TRIP4: variants seen among roughly 807,000 people sequenced by gnomAD.
TRIP4 encodes the protein activating signal cointegrator 1.
A neutral mutation model predicts 81.8 loss-of-function variants in TRIP4; 54 were observed. That is an observed-to-expected ratio of 0.66 (90% CI 0.53 to 0.83). The LOEUF is 0.83. TRIP4 is among the 40% of genes least tolerant of loss of function. TRIP4 has a pLI of 0.00. For synonymous variants in TRIP4, 270 were observed against 242.8 expected, an observed-to-expected ratio of 1.11 and a Z score of -1.04; for missense variants, 662 against 683.6, an observed-to-expected ratio of 0.97 and a Z score of 0.35.
chr15:64,406,839 T>G (rs1413126598), intron 6 of TRIP4, among the ~76,000 whole-genome samples: 1 of 152,222 alleles, frequency 6.6e-6, no homozygotes, highest in Non-Finnish European at 1.5e-5. Flanking sequence ...GAATTGCCTC[T>G]GGGAGAACAC....
intron 11 of TRIP4, 68 bp from the exon 12 acceptor site, chr15:64,444,938 T>C: frequency 1.2e-6 from 1 of 804,020 alleles, no homozygotes. Context: ...ATCTGGGACA[T>C]CTTCTGTTCT....
chr15:64,448,948 G>A (rs1224399456), intron 12 of TRIP4, among the ~76,000 whole-genome samples: 1 of 152,028 alleles, frequency 6.6e-6, no homozygotes, highest in Non-Finnish European at 1.5e-5. Flanking sequence ...AGTGGCTCAT[G>A]TCTATAATCC....
chr15:64,444,291 T>C (rs2140312662), intron 11 of TRIP4, among the ~76,000 whole-genome samples: 1 of 152,270 alleles, frequency 6.6e-6, no homozygotes, highest in South Asian at 2.1e-4. Context: ...TAACCCCCAA[T>C]TGTTCTTAAA....
Position 64,418,644 on chromosome 15 carries a change from A to G in TRIP4, c.1274A>G (p.Gln425Arg), listed in dbSNP as rs1344634552. The G allele has an allele frequency of 1.2e-6, 2 of 1,614,054 alleles. No homozygotes were observed. Among genetic ancestry groups the G allele is most frequent in the Non-Finnish European group, 8.5e-7 (1 of 1,180,016 alleles). The change falls in exon 9 of 13, where the codon CAA becomes CGA. Residue 425 changes from glutamine (Q) to arginine (R), a missense_variant. Gln to Arg is a conservative substitution (Grantham distance 43, BLOSUM62 1). Coordinates refer to ENST00000261884, the MANE Select transcript of TRIP4 (RefSeq NM_016213.5). ...CAGCACCAGTTGCGAATCCAGGATCAAGAATTTCAGGAAGGCTTTGATGGT... is the reference window on the plus strand; with the variant it reads ...CAGCACCAGTTGCGAATCCAGGATCGAGAATTTCAGGAAGGCTTTGATGGT... ...SFQHQLRIQD[Q>R]EFQEGFDGGW...
chr15:64,411,851 T>C (rs934994756), intron 7 of TRIP4, among the ~76,000 whole-genome samples: 3 of 151,996 alleles, frequency 2.0e-5, no homozygotes, highest in Non-Finnish European at 2.9e-5. Flanking sequence ...GGCTAATTTT[T>C]TTTGTAGTTT....
chr15:64,389,376 A>G (rs1900048817), intron 1 of TRIP4, among the ~76,000 whole-genome samples: 1 of 152,182 alleles, frequency 6.6e-6, no homozygotes, highest in Admixed American at 6.6e-5. Context: ...TCAAGCCCTT[A>G]TTCCCAGCAC....
At chr15:64,434,319 A>T (rs1892341389) in intron 11 of TRIP4, among the ~76,000 whole-genome samples, 1 of 151,984 alleles carries the variant, frequency 6.6e-6, no homozygotes, top group Non-Finnish European at 1.5e-5. Context: ...GAATCACTTC[A>T]ACCCAGGAGG....
chr15:64,442,968 G>C (rs1303575259), intron 11 of TRIP4, among the ~76,000 whole-genome samples: 2 of 150,346 alleles, frequency 1.3e-5, no homozygotes, highest in South Asian at 4.2e-4. Context: ...TCCAGCCTGG[G>C]TAACAGGGTA....
intron 9 of TRIP4, among the ~76,000 whole-genome samples, chr15:64,420,525 A>C (rs1438917433): frequency 2.0e-5 from 2 of 102,046 alleles, no homozygotes; most frequent in Admixed American, 1.5e-4. Flanking sequence ...TTTGCTTCTT[A>C]TTTCTTTTTT....
chr15:64,437,720 C>T (rs971249033), intron 11 of TRIP4, among the ~76,000 whole-genome samples: 1 of 152,128 alleles, frequency 6.6e-6, no homozygotes, highest in Non-Finnish European at 1.5e-5. Flanking sequence ...TCTGGAACTA[C>T]TGTCCTCAGG....
chr15:64,421,938 G>A (rs1475227248), intron 9 of TRIP4, among the ~76,000 whole-genome samples: 2 of 151,704 alleles, frequency 1.3e-5, no homozygotes, highest in Non-Finnish European at 2.9e-5. Context: ...CTAGCTACTC[G>A]GGAGGCTGAG....
chr15:64,439,040 A>G (rs1325155205), intron 11 of TRIP4, among the ~76,000 whole-genome samples: 1 of 152,208 alleles, frequency 6.6e-6, no homozygotes. Flanking sequence ...GAGTTCAACT[A>G]TCCCACTTTG....
chr15:64,401,835 G>A (rs1229037798), intron 5 of TRIP4, among the ~76,000 whole-genome samples: 2 of 152,072 alleles, frequency 1.3e-5, no homozygotes, highest in Non-Finnish European at 2.9e-5. Flanking sequence ...CCACAAGCAC[G>A]ATCCACCAAT....
At chr15:64,395,248 G>C in intron 2 of TRIP4, 150 bp from the exon 3 acceptor site, 1 of 657,736 alleles carries the variant, frequency 1.5e-6, no homozygotes, top group Non-Finnish European at 2.3e-6. Context: ...TTTAATTCTG[G>C]TTTGACAGGA....
chr15:64,440,280 T>A (rs1419178142), intron 11 of TRIP4, among the ~76,000 whole-genome samples: 1 of 151,934 alleles, frequency 6.6e-6, no homozygotes, highest in East Asian at 1.9e-4. Context: ...CATCCAGAGC[T>A]TATTCACATT....
chr15:64,411,926 C>G (rs1170742881), intron 7 of TRIP4, among the ~76,000 whole-genome samples: 1 of 84,344 alleles, frequency 1.2e-5, no homozygotes, highest in Non-Finnish European at 2.2e-5. Flanking sequence ...CGTGATCCAC[C>G]CGCCTCGGCC....
At chr15:64,428,896 G>A (rs554934146) in intron 11 of TRIP4, among the ~76,000 whole-genome samples, 6 of 152,102 alleles carry the variant, frequency 3.9e-5, no homozygotes, top group Admixed American at 1.3e-4. Context: ...ACAGGTGTGA[G>A]CCACTGTGCC....
Position 64,393,951 on chromosome 15 carries a change from T to C in TRIP4, c.107T>C (p.Val36Ala). The part of the protein sequence containing the change: ...LDVSEEIIQY[V>A]LSIESAEEIR... ...TTATATCTTTGCCTCCTGAGGTACG[T>C]TTTGTCAATTGAGAGTGCTGAAGAG... The change falls in exon 2 of 13, where the codon GTT becomes GCT. Residue 36 changes from valine to alanine, a missense_variant. By Grantham distance (64) the Val-to-Ala change is moderately conservative (BLOSUM62 0). Coordinates refer to ENST00000261884, the MANE Select transcript of TRIP4 (RefSeq NM_016213.5). 1 of 1,583,452 alleles carries C rather than the reference T, an allele frequency of 6.3e-7. No homozygotes were observed. Among genetic ancestry groups the C allele is most frequent in the Non-Finnish European group, 8.6e-7 (1 of 1,167,734 alleles).
At chr15:64,431,847 A>ATATATATATATATATATATTTTTTTTT in intron 11 of TRIP4, among the ~76,000 whole-genome samples, 2 of 119,558 alleles carry the variant, frequency 1.7e-5, no homozygotes, top group African/African-American at 6.5e-5. Flanking sequence ...ATATATATAT[A>ATATATATATATATATATATTTTTTTTT]TTTTTTTTAT....
Sources: allele counts gnomAD v4.1 joint callset (sites outside exome capture counted in the v4.1 genomes callset), GRCh38; gene constraint gnomAD v4.1.1; transcripts MANE v1.5; gene names NCBI Gene and HGNC (gene_info 2026-07-23, HGNC 2026-07-21).